PCDHGA3: variants seen among roughly 807,000 people sequenced by gnomAD.
The protein encoded by PCDHGA3 is protocadherin gamma subfamily A, 3, also known as protocadherin gamma-A3.
In PCDHGA3, 40 loss-of-function variants were observed where a neutral mutation model predicts 58.5. The ratio of observed to expected loss-of-function variants is 0.68; its 90% CI spans 0.53 to 0.89. The LOEUF (loss-of-function observed/expected upper bound fraction) is 0.89, where lower values mean the gene tolerates loss of function less well. Among genes scored for constraint, PCDHGA3 ranks in the 40% least tolerant of loss-of-function variants. The pLI is 0.00. For synonymous variants in PCDHGA3, 530 were observed against 525.7 expected (o/e 1.01, Z -0.11); for missense variants, 1,223 against 1,195.9 (o/e 1.02, Z -0.33).
At chr5:141,361,405 G>A (rs1762001636) in intron 1 of PCDHGA3, 1 of 1,613,928 alleles carries the variant, frequency 6.2e-7, no homozygotes, top group African/African-American at 1.3e-5. Context: ...CACCATCACA[G>A]CCACCGACGG....
chr5:141,478,155 G>A (rs138384601), intron 1 of PCDHGA3: 1 of 1,613,992 alleles, frequency 6.2e-7, no homozygotes, highest in Non-Finnish European at 8.5e-7. Context: ...TTCCCCTCTG[G>A]CTCTGCCCCC....
At position 141,511,520 on chromosome 5, in the gene PCDHGA3, A is replaced by C; in HGVS notation, c.*347A>C. On this transcript the variant is annotated 3_prime_UTR_variant, in exon 4 of 4. Coordinates refer to ENST00000253812, the MANE Select transcript of PCDHGA3 (RefSeq NM_018916.4). Reference sequence around the variant, plus strand: ...CAAATCAATCAGGCCCATCCATCCCATGCCTCCCTCCTCCCCACCCCACTC... The same window carrying C: ...CAAATCAATCAGGCCCATCCATCCCCTGCCTCCCTCCTCCCCACCCCACTC... The C allele has an allele frequency of 2.8e-6, 1 of 358,498 alleles. No homozygotes were observed. Among genetic ancestry groups the C allele is most frequent in the Non-Finnish European group, 5.3e-6 (1 of 189,848 alleles). 22.2% of individuals were successfully genotyped at this position (358,498 alleles called of 1,614,324 possible).
chr5:141,357,450 G>A (rs541013509), intron 1 of PCDHGA3: 2 of 1,614,196 alleles, frequency 1.2e-6, no homozygotes, highest in East Asian at 2.2e-5. Flanking sequence ...GGGCTTTCCT[G>A]CAGACCTATT....
intron 1 of PCDHGA3, chr5:141,352,488 C>A: frequency 6.2e-7 from 1 of 1,614,022 alleles, no homozygotes; most frequent in East Asian, 2.2e-5. Context: ...AGCGAGGGGA[C>A]TTTGCCCTAT....
At chr5:141,389,860 A>G (rs1274502656) in intron 1 of PCDHGA3, 2 of 1,614,052 alleles carry the variant, frequency 1.2e-6, no homozygotes, top group African/African-American at 2.7e-5. Flanking sequence ...GCCACGTTGC[A>G]CCTGGTCTTC....
chr5:141,413,431 G>C (rs963192857), intron 1 of PCDHGA3: 1 of 1,614,092 alleles, frequency 6.2e-7, no homozygotes, highest in Non-Finnish European at 8.5e-7. Flanking sequence ...CCCGCGCAGC[G>C]GCAGCTTGAT....
chr5:141,433,671 A>G (rs1376085577), intron 1 of PCDHGA3, among the ~76,000 whole-genome samples: 12 of 152,058 alleles, frequency 7.9e-5, no homozygotes, highest in Admixed American at 7.2e-4. Flanking sequence ...CCCCGTCTAT[A>G]CTAAAAAAAT....
At chr5:141,509,486 A>G (rs1022659275) in intron 3 of PCDHGA3, among the ~76,000 whole-genome samples, 10 of 152,132 alleles carry the variant, frequency 6.6e-5, no homozygotes, top group African/African-American at 2.4e-4. Flanking sequence ...GGTAGAGGTG[A>G]TGGCATGCTG....
intron 1 of PCDHGA3, chr5:141,355,191 C>G: frequency 6.3e-7 from 1 of 1,591,882 alleles, no homozygotes; most frequent in East Asian, 2.2e-5. Flanking sequence ...GACTCCGCGG[C>G]GGGGTTGTAA....
chr5:141,441,954 C>T, intron 1 of PCDHGA3: 1 of 319,608 alleles, frequency 3.1e-6, no homozygotes, highest in Non-Finnish European at 6.0e-6. Context: ...TGCAGGCCAG[C>T]AAGCCCAGGC....
intron 1 of PCDHGA3, chr5:141,351,020 T>TG: frequency 6.2e-7 from 1 of 1,614,036 alleles, no homozygotes; most frequent in Non-Finnish European, 8.5e-7. Flanking sequence ...AAACGTACCG[T>TG]GGGGAACCTC....
intron 1 of PCDHGA3, among the ~76,000 whole-genome samples, chr5:141,358,120 G>T (rs1004633411): frequency 5.9e-5 from 9 of 152,162 alleles, no homozygotes; most frequent in Non-Finnish European, 1.3e-4. Flanking sequence ...AACCTGGGAG[G>T]CAGAGGTTGC....
rs762455729 is a variant in PCDHGA3 at position 141,344,232 on chromosome 5, G to A, written c.199G>A (p.Val67Ile). ...GCTGGCGGAGCGCGGAGTCCGCATC[G>A]TCTCCAGAGGTAGGACGCAGCTTTT... is the stretch of plus-strand genomic sequence containing the variant. The part of the protein sequence containing the change: ...RELAERGVRI[V>I]SRGRTQLFSL... Residue 67 changes from valine (V) to isoleucine (I), a missense_variant, in exon 1 of 4, where the codon GTC becomes ATC. Transcript: ENST00000253812. The A allele has an allele frequency of 6.2e-7, 1 of 1,613,926 alleles. No individual in the cohort carries two copies. Among genetic ancestry groups the A allele is most frequent in the Admixed American group, 1.7e-5 (1 of 60,008 alleles).
chr5:141,419,067 A>C (rs2096321794), intron 1 of PCDHGA3: 2 of 1,613,956 alleles, frequency 1.2e-6, no homozygotes, highest in African/African-American at 1.3e-5. Flanking sequence ...AATTACTACA[A>C]GCTAGTAACA....
intron 1 of PCDHGA3, among the ~76,000 whole-genome samples, chr5:141,473,719 T>C (rs998018115): frequency 6.6e-6 from 1 of 152,124 alleles, no homozygotes; most frequent in African/African-American, 2.4e-5. Context: ...CAATGGAATA[T>C]AGTGAGAGAG....
At chr5:141,469,543 C>G (rs1031152008) in intron 1 of PCDHGA3, among the ~76,000 whole-genome samples, 4 of 152,040 alleles carry the variant, frequency 2.6e-5, no homozygotes, top group Non-Finnish European at 4.4e-5. Flanking sequence ...CCACTGCACT[C>G]CAGCCTGGCG....
chr5:141,423,806 T>C (rs2096783171), intron 1 of PCDHGA3: 1 of 1,251,576 alleles, frequency 8.0e-7, no homozygotes, highest in Non-Finnish European at 1.0e-6. Flanking sequence ...GCAATACATG[T>C]GAGTTTTACT....
In PCDHGA3 at chr5:141,384,252, CT is replaced by C; in HGVS notation, c.2424+37797del. On this transcript the variant is annotated intron_variant, in intron 1 of 3. Transcript: ENST00000253812. ...CAGACACCAACGATAACCCACCCAC[CT>C]TCCCCCACTCATCCTACTCAGTCTA... 4 of 1,613,902 alleles carry C rather than the reference CT, an allele frequency of 2.5e-6. 1 individual carries two copies. In the South Asian group the frequency reaches 4.4e-5, roughly 18 times the overall value.
At chr5:141,415,482 G>A in intron 1 of PCDHGA3, 1 of 1,614,218 alleles carries the variant, frequency 6.2e-7, no homozygotes, top group Non-Finnish European at 8.5e-7. Flanking sequence ...ACTCGCGAAA[G>A]AGTCACCTGA....
Sources: allele counts gnomAD v4.1 joint callset (sites outside exome capture counted in the v4.1 genomes callset), GRCh38; gene constraint gnomAD v4.1.1; transcripts MANE v1.5; gene names NCBI Gene and HGNC (gene_info 2026-07-23, HGNC 2026-07-21).